The following ZGRF1 variants were observed in gnomAD, a reference collection of about 807,000 sequenced individuals.
ZGRF1 encodes the protein 5'-3' DNA helicase ZGRF1.
ZGRF1 carries 196 observed loss-of-function variants against 203.5 expected under a neutral mutation model. The observed-to-expected ratio is 0.96, with a 90% CI of 0.86 to 1.08. The LOEUF (loss-of-function observed/expected upper bound fraction) is 1.08. ZGRF1 is among the 50% of genes least tolerant of loss of function. The pLI is 0.00. For synonymous variants in ZGRF1, 809 were observed against 841.3 expected (o/e 0.96, Z 0.66); for missense variants, 2,326 against 2,416.3 (o/e 0.96, Z 0.78).
chr4:112,539,776 C>T, intron 27 of ZGRF1, 87 bp from the exon 28 acceptor site: 1 of 1,567,724 alleles, frequency 6.4e-7, no homozygotes, highest in Non-Finnish European at 8.7e-7. Context: ...CCCAGCAGAG[C>T]TGTTCCTGCT....
intron 2 of ZGRF1, 49 bp from the exon 3 acceptor site, chr4:112,632,059 A>C (rs1156767626): frequency 1.1e-6 from 1 of 903,576 alleles, no homozygotes; most frequent in Non-Finnish European, 1.6e-6. Flanking sequence ...TATATATTTA[A>C]TGTTATGTAT....
rs969418026 is a variant in ZGRF1, at chr4:112,618,732, T to C, written c.1310A>G (p.Asn437Ser). 6.2e-7 allele frequency: 1 copy of C among 1,610,952 alleles called. No homozygotes were observed. The highest frequency in any genetic ancestry group is 8.5e-7 in the Non-Finnish European group (1 of 1,179,214). The change falls in exon 6 of 28, where the codon AAT becomes AGT. Residue 437 changes from asparagine to serine, a missense_variant. Asn to Ser is a conservative substitution (Grantham distance 46, BLOSUM62 1). Coordinates refer to ENST00000505019, the MANE Select transcript of ZGRF1 (RefSeq NM_018392.5). ...GTCATTTTGATTAAAAGGTATTTTA[T>C]TATCTTCTTGAATGTCAGATTCTGA... ...ILSESDIQED[N>S]KIPFNQNDKG...
rs1737302633 is a variant in ZGRF1, at chr4:112,540,238, C to T, written c.5911-114G>A. ...CTAATAGTAAATAATTTTCATTTTT[C>T]TTTTATGACTCACATAGACTTGGCT... On this transcript the variant is annotated intron_variant, in intron 26 of 27. Transcript: ENST00000505019. 8.7e-6 allele frequency: 6 copies of T among 687,898 alleles called. No homozygotes were observed. In the South Asian group the frequency reaches 2.5e-4, roughly 29 times the overall value. 42.6% of individuals were successfully genotyped at this position (687,898 alleles called of 1,614,324 possible).
Position 112,586,456 on chromosome 4 carries a change from G to T in ZGRF1, c.3905C>A (p.Ser1302Tyr). ...SPAHYKQTFT[S>Y]CLIEHLNILL... ...CACAACAGCCATACCTATGAGGCAAGATGTGAAAGTCTGCTTATAATGAGC... is the reference window on the plus strand; with the variant it reads ...CACAACAGCCATACCTATGAGGCAATATGTGAAAGTCTGCTTATAATGAGC... Residue 1302 changes from serine to tyrosine, a missense_variant, in exon 13 of 28, where the codon TCT (serine) becomes TAT (tyrosine). Transcript: ENST00000505019. 1 of 1,609,460 alleles carries T rather than the reference G, an allele frequency of 6.2e-7. No homozygotes were observed. Among genetic ancestry groups the T allele is most frequent in the Non-Finnish European group, 8.5e-7 (1 of 1,177,460 alleles).
chr4:112,589,835 C>G lies in ZGRF1; in HGVS notation c.3016G>C (p.Val1006Leu), dbSNP rs755312271. The change falls in exon 11 of 28, where the codon GTT becomes CTT. Residue 1006 changes from valine to leucine, a missense_variant. Transcript: ENST00000505019. Reference sequence around the variant, plus strand: ...CTTGAGTTCAAAGAAAAGGTAGAAACAGGGCTCAATGTAGAGATGTTTTCT... The same window carrying G: ...CTTGAGTTCAAAGAAAAGGTAGAAAGAGGGCTCAATGTAGAGATGTTTTCT... Reference protein sequence around the residue: ...PEENISTLSPVSTFSLNSRDE... With the variant: ...PEENISTLSPLSTFSLNSRDE... 6.2e-7 allele frequency: 1 copy of G among 1,613,160 alleles called. No homozygotes were observed. The highest frequency in any genetic ancestry group is 8.5e-7 in the Non-Finnish European group (1 of 1,179,610).
intron 6 of ZGRF1, among the ~76,000 whole-genome samples, chr4:112,617,159 CAT>C (rs1373905257): frequency 6.6e-6 from 1 of 152,060 alleles, no homozygotes; most frequent in Non-Finnish European, 1.5e-5. Flanking sequence ...CATATATTCA[CAT>C]AAATGTGCCA....
Position 112,611,633 on chromosome 4 carries a change from C to T in ZGRF1, c.2667+891G>A, listed in dbSNP as rs115140212. 7.1e-3 allele frequency among the ~76,000 whole-genome samples: 1,086 copies of T among 152,312 alleles called. 32 individuals are homozygous for T. The East Asian group carries it at 0.093, about 13-fold the overall frequency. On this transcript the variant is annotated intron_variant, in intron 7 of 27. Transcript: ENST00000505019. ...TTATATAACTACCATGGTTCCCAAA[C>T]TGTGCAACAAGGTACCCTGAGGTGG...
intron 22 of ZGRF1, among the ~76,000 whole-genome samples, chr4:112,551,190 T>G (rs1739885732): frequency 6.6e-6 from 1 of 152,198 alleles, no homozygotes; most frequent in South Asian, 2.1e-4. Flanking sequence ...ATGCCTACAG[T>G]ATTCAGTACA....
intron 18 of ZGRF1, 30 bp from the exon 19 acceptor site, chr4:112,561,025 T>A (rs766160801): frequency 6.4e-5 from 98 of 1,535,562 alleles, no homozygotes; most frequent in African/African-American, 3.5e-4. Context: ...TAAACAATTT[T>A]AAAAAAAGGG....
intron 10 of ZGRF1, among the ~76,000 whole-genome samples, chr4:112,601,989 G>C (rs979032307): frequency 6.6e-6 from 1 of 152,164 alleles, no homozygotes. Context: ...CAGATCACCT[G>C]AGGTCAGGAG....
At chr4:112,593,267 C>T (rs1489840872) in intron 10 of ZGRF1, among the ~76,000 whole-genome samples, 1 of 152,124 alleles carries the variant, frequency 6.6e-6, no homozygotes, top group Non-Finnish European at 1.5e-5. Context: ...AATCCAGTAA[C>T]ATCCATGATT....
intron 10 of ZGRF1, among the ~76,000 whole-genome samples, chr4:112,601,522 TG>T (rs1410516872): frequency 6.8e-6 from 1 of 147,392 alleles, no homozygotes; most frequent in African/African-American, 2.5e-5. Context: ...TTCAGTGAGC[TG>T]AGATCACGCC....
intron 6 of ZGRF1, 120 bp downstream of exon 6, chr4:112,617,320 T>A: frequency 1.5e-6 from 1 of 663,432 alleles, no homozygotes; most frequent in South Asian, 3.0e-5. Flanking sequence ...ACCAAGTACA[T>A]GTATTACCTA....
intron 6 of ZGRF1, among the ~76,000 whole-genome samples, chr4:112,616,843 A>G (rs1309310721): frequency 6.6e-6 from 1 of 152,158 alleles, no homozygotes; most frequent in Non-Finnish European, 1.5e-5. Flanking sequence ...CTTAAAAAAA[A>G]AAAAAAGACA....
intron 3 of ZGRF1, chr4:112,628,688 G>C (rs2047313683): frequency 4.4e-6 from 2 of 455,962 alleles, no homozygotes; most frequent in Non-Finnish European, 8.8e-6. Context: ...ACTTGTGTGA[G>C]ATATATAATG....
At chr4:112,559,970 G>A (rs1015179061) in intron 19 of ZGRF1, among the ~76,000 whole-genome samples, 42 of 152,106 alleles carry the variant, frequency 2.8e-4, no homozygotes, top group African/African-American at 8.4e-4. Flanking sequence ...ATCTGATGGC[G>A]GGAGATGAAT....
At chr4:112,634,906 T>A (rs1021947237) in intron 1 of ZGRF1, among the ~76,000 whole-genome samples, 3 of 151,186 alleles carry the variant, frequency 2.0e-5, no homozygotes, top group African/African-American at 7.3e-5. Context: ...CCATGGCGGG[T>A]GGATCATGAG....
intron 20 of ZGRF1, among the ~76,000 whole-genome samples, chr4:112,557,175 CTT>C (rs111925781): frequency 1.1e-4 from 16 of 143,224 alleles, no homozygotes; most frequent in Non-Finnish European, 1.4e-4. Context: ...ACTTCTTCTT[CTT>C]TTTTTTTTTT....
intron 14 of ZGRF1, among the ~76,000 whole-genome samples, chr4:112,585,328 T>C (rs1746981405): frequency 6.6e-6 from 1 of 152,142 alleles, no homozygotes; most frequent in Non-Finnish European, 1.5e-5. Context: ...CTAAGCAACT[T>C]GAAGGTTAAT....
Sources: allele counts gnomAD v4.1 joint callset (sites outside exome capture counted in the v4.1 genomes callset), GRCh38; gene constraint gnomAD v4.1.1; transcripts MANE v1.5; gene names NCBI Gene and HGNC (gene_info 2026-07-23, HGNC 2026-07-21).